Variants in ETV6 observed in about 807,000 individuals in gnomAD.
The protein encoded by ETV6 is ETS variant transcription factor 6.
Under a neutral mutation model 51.1 loss-of-function variants are expected in ETV6, and 16 were observed. That is an observed-to-expected ratio of 0.31 (90% CI 0.21 to 0.48). The LOEUF (loss-of-function observed/expected upper bound fraction) is 0.48, where lower values mean the gene tolerates loss of function less well. Ranked by LOEUF, ETV6 falls within the 20% of genes least tolerant of loss-of-function variation. The pLI is 0.99. For missense variants in ETV6, 458 were observed against 594.8 expected, an observed-to-expected ratio of 0.77 and a Z score of 2.39; for synonymous variants, 240 against 224.1, an observed-to-expected ratio of 1.07 and a Z score of -0.64.
chr12:11,838,253 C>T (rs1946343566), intron 2 of ETV6, among the ~76,000 whole-genome samples: 1 of 152,184 alleles, frequency 6.6e-6, no homozygotes. Flanking sequence ...TTCATAGGCA[C>T]CCTACAAAGG....
intron 1 of ETV6, among the ~76,000 whole-genome samples, chr12:11,670,739 CTT>C (rs1864297881): frequency 6.6e-6 from 1 of 152,160 alleles, no homozygotes; most frequent in South Asian, 2.1e-4. Context: ...CGTACAAATT[CTT>C]TCTTTGTAAA....
chr12:11,860,638 G>A (rs2855708), intron 4 of ETV6, among the ~76,000 whole-genome samples: 100,911 of 151,698 alleles, frequency 0.67, 34,472 homozygotes, highest in Middle Eastern at 0.85. Context: ...CCAAGCATTC[G>A]GTAAATGTTA....
At chr12:11,813,591 C>T (rs911857968) in intron 2 of ETV6, among the ~76,000 whole-genome samples, 1 of 152,036 alleles carries the variant, frequency 6.6e-6, no homozygotes, top group African/African-American at 2.4e-5. Flanking sequence ...GCCTCCCTCC[C>T]TCCCTCCCTC....
chr12:11,841,950 C>T (rs1335527343), intron 3 of ETV6, among the ~76,000 whole-genome samples: 25 of 151,050 alleles, frequency 1.7e-4, no homozygotes, highest in Non-Finnish European at 3.0e-4. Flanking sequence ...GGCGTAGTGG[C>T]GGGCGCCTGT....
chr12:11,842,717 G>C (rs1946408788), intron 3 of ETV6, among the ~76,000 whole-genome samples: 1 of 152,166 alleles, frequency 6.6e-6, no homozygotes, highest in Non-Finnish European at 1.5e-5. Context: ...TTTTGCAACA[G>C]ACATTTTCCA....
At chr12:11,845,111 G>A (rs1946442873) in intron 3 of ETV6, among the ~76,000 whole-genome samples, 1 of 152,190 alleles carries the variant, frequency 6.6e-6, no homozygotes, top group Non-Finnish European at 1.5e-5. Flanking sequence ...TTACAGGCGT[G>A]AGCTACTGCA....
At chr12:11,747,760 G>C (rs755547189) in intron 1 of ETV6, among the ~76,000 whole-genome samples, 3 of 152,164 alleles carry the variant, frequency 2.0e-5, no homozygotes, top group African/African-American at 4.8e-5. Context: ...CAGAAACCTA[G>C]AAAACTCTAG....
chr12:11,773,936 G>A (rs1945279323), intron 2 of ETV6, among the ~76,000 whole-genome samples: 1 of 152,212 alleles, frequency 6.6e-6, no homozygotes, highest in South Asian at 2.1e-4. Flanking sequence ...GCGCTGGCTG[G>A]CATCTGCCCT....
At chr12:11,748,040 A>C (rs1865940152) in intron 1 of ETV6, among the ~76,000 whole-genome samples, 1 of 152,236 alleles carries the variant, frequency 6.6e-6, no homozygotes, top group Admixed American at 6.5e-5. Context: ...CAGGGTGGAA[A>C]AGAGATCCTT....
chr12:11,673,754 T>C (rs531193095), intron 1 of ETV6, among the ~76,000 whole-genome samples: 1 of 152,374 alleles, frequency 6.6e-6, no homozygotes, highest in African/African-American at 2.4e-5. Context: ...TCTTGGGTAA[T>C]GATCCTGTAT....
intron 2 of ETV6, among the ~76,000 whole-genome samples, chr12:11,818,898 C>T (rs1055284948): frequency 3.9e-5 from 6 of 152,116 alleles, no homozygotes; most frequent in Non-Finnish European, 7.4e-5. Flanking sequence ...GCTCCTCCCT[C>T]CTGGCCCTCA....
At chr12:11,743,915 A>G (rs1865858584) in intron 1 of ETV6, among the ~76,000 whole-genome samples, 1 of 152,188 alleles carries the variant, frequency 6.6e-6, no homozygotes, top group Non-Finnish European at 1.5e-5. Flanking sequence ...GAGGAGGCGA[A>G]GGGTTTACGA....
intron 1 of ETV6, among the ~76,000 whole-genome samples, chr12:11,678,734 C>T (rs59114983): frequency 1.4e-3 from 210 of 152,210 alleles, no homozygotes; most frequent in African/African-American, 4.7e-3. Flanking sequence ...CCAGGAAAGC[C>T]ACTGGTGTCA....
intron 1 of ETV6, among the ~76,000 whole-genome samples, chr12:11,715,140 G>T (rs916836988): frequency 6.6e-6 from 1 of 152,284 alleles, no homozygotes; most frequent in South Asian, 2.1e-4. Flanking sequence ...CATCAAATTC[G>T]ATAGTTCTAT....
At chr12:11,724,952 T>C (rs936031860) in intron 1 of ETV6, among the ~76,000 whole-genome samples, 5 of 152,260 alleles carry the variant, frequency 3.3e-5, no homozygotes, top group Non-Finnish European at 5.9e-5. Context: ...CACATAGGTC[T>C]TATCCTCCTG....
At chr12:11,872,906 G>T (rs905625818) in intron 5 of ETV6, among the ~76,000 whole-genome samples, 1 of 152,144 alleles carries the variant, frequency 6.6e-6, no homozygotes, top group Non-Finnish European at 1.5e-5. Context: ...TGATGAGCCT[G>T]GGTGTCTATG....
At chr12:11,735,825 C>G (rs1332262892) in intron 1 of ETV6, among the ~76,000 whole-genome samples, 1 of 152,226 alleles carries the variant, frequency 6.6e-6, no homozygotes, top group African/African-American at 2.4e-5. Context: ...GTCTCGAACT[C>G]CTGACCTCAG....
At chr12:11,716,783 G>A (rs566228342) in intron 1 of ETV6, 2 of 152,294 alleles carry the variant, frequency 1.3e-5, no homozygotes, top group African/African-American at 2.4e-5. Flanking sequence ...AGTAGGTTGA[G>A]CTTATTGTAT....
chr12:11,819,252 C>T (rs1261466505), intron 2 of ETV6, among the ~76,000 whole-genome samples: 1 of 152,190 alleles, frequency 6.6e-6, no homozygotes, highest in Non-Finnish European at 1.5e-5. Flanking sequence ...GCTGCAGTCC[C>T]CAGATGCCGA....
Sources: allele counts gnomAD v4.1 joint callset (sites outside exome capture counted in the v4.1 genomes callset), GRCh38; gene constraint gnomAD v4.1.1; transcripts MANE v1.5; gene names NCBI Gene and HGNC (gene_info 2026-07-23, HGNC 2026-07-21).